The following SDHB variants were observed in gnomAD, a reference collection of about 807,000 sequenced individuals.
SDHB encodes succinate dehydrogenase [ubiquinone] iron-sulfur subunit, mitochondrial.
A neutral mutation model predicts 39.7 loss-of-function variants in SDHB; 21 were observed. That is an observed-to-expected ratio of 0.53 (90% CI 0.37 to 0.76). SDHB has a LOEUF of 0.76. Among genes scored for constraint, SDHB ranks in the 30% least tolerant of loss-of-function variants. The probability of loss-of-function intolerance (pLI) is 0.00; values close to 1 mark genes in which losing one functional copy is unlikely to be tolerated. For synonymous variants in SDHB, 118 were observed against 117.0 expected (o/e 1.01, Z -0.06); for missense variants, 343 against 350.9 (o/e 0.98, Z 0.18).
chr1:17,053,547 C>T (rs1162052933), intron 1 of SDHB, among the ~76,000 whole-genome samples: 1 of 152,156 alleles, frequency 6.6e-6, no homozygotes, highest in Non-Finnish European at 1.5e-5. Context: ...CAATTCCCAT[C>T]CTTCACACCC....
At chr1:17,049,175 G>C (rs1391307605) in intron 1 of SDHB, among the ~76,000 whole-genome samples, 2 of 152,074 alleles carry the variant, frequency 1.3e-5, no homozygotes, top group African/African-American at 2.4e-5. Context: ...AATTTTTGTA[G>C]AGACAGGGTC....
intron 2 of SDHB, 112 bp downstream of exon 2, chr1:17,044,649 C>T: frequency 7.7e-7 from 1 of 1,302,350 alleles, no homozygotes; most frequent in Non-Finnish European, 1.1e-6. Flanking sequence ...GTTTTAAAAA[C>T]AGAGCCATCG....
chr1:17,036,353 C>T (rs2078050102), intron 2 of SDHB, among the ~76,000 whole-genome samples: 1 of 152,062 alleles, frequency 6.6e-6, no homozygotes. Context: ...GTCGCCCAGG[C>T]TGGATGGAGT....
At chr1:17,024,715 C>T (rs1382229378) in intron 5 of SDHB, among the ~76,000 whole-genome samples, 3 of 152,210 alleles carry the variant, frequency 2.0e-5, no homozygotes, top group Admixed American at 6.5e-5. Flanking sequence ...GATGTGGCCC[C>T]GGCAGCTGGC....
intron 1 of SDHB, chr1:17,052,442 C>T (rs1023198505): frequency 6.6e-6 from 1 of 152,178 alleles, no homozygotes; most frequent in Admixed American, 6.5e-5. Flanking sequence ...CTGTTGCCCT[C>T]AGGAGGCCCT....
At chr1:17,041,944 C>CA (rs201020145) in intron 2 of SDHB, among the ~76,000 whole-genome samples, 21 of 151,056 alleles carry the variant, frequency 1.4e-4, no homozygotes, top group African/African-American at 5.1e-4. Context: ...TTTTTTGAGA[C>CA]AGAGTCTCAC....
intron 2 of SDHB, among the ~76,000 whole-genome samples, chr1:17,041,963 C>T (rs962483128): frequency 9.2e-5 from 14 of 151,890 alleles, no homozygotes; most frequent in African/African-American, 3.1e-4. Flanking sequence ...ACTCTGTTGC[C>T]CAGGCTGGAG....
chr1:17,047,831 T>G (rs77955136), intron 1 of SDHB, among the ~76,000 whole-genome samples: 19 of 152,118 alleles, frequency 1.2e-4, no homozygotes, highest in Admixed American at 7.2e-4. Context: ...TGCGCCACCA[T>G]GCCCAGTTAG....
chr1:17,048,922 G>C (rs1227182536), intron 1 of SDHB, among the ~76,000 whole-genome samples: 1 of 152,080 alleles, frequency 6.6e-6, no homozygotes. Context: ...TGTTGGCCAG[G>C]CTGGTCTTGA....
chr1:17,037,695 C>G (rs987432470), intron 2 of SDHB, among the ~76,000 whole-genome samples: 1 of 152,168 alleles, frequency 6.6e-6, no homozygotes, highest in Non-Finnish European at 1.5e-5. Flanking sequence ...GGACTCAAGT[C>G]ATCTGCCTGC....
chr1:17,030,568 T>C (rs973176351), intron 3 of SDHB, among the ~76,000 whole-genome samples: 1 of 152,208 alleles, frequency 6.6e-6, no homozygotes, highest in African/African-American at 2.4e-5. Context: ...CCTGGGTGTT[T>C]TGGAATTTAA....
intron 3 of SDHB, among the ~76,000 whole-genome samples, chr1:17,032,027 C>T (rs780858876): frequency 6.6e-6 from 1 of 152,142 alleles, no homozygotes; most frequent in Non-Finnish European, 1.5e-5. Context: ...TCTGGCTCCA[C>T]GGACATCAGG....
chr1:17,030,569 T>C (rs2078016914), intron 3 of SDHB, among the ~76,000 whole-genome samples: 1 of 152,214 alleles, frequency 6.6e-6, no homozygotes, highest in African/African-American at 2.4e-5. Flanking sequence ...CTGGGTGTTT[T>C]GGAATTTAAA....
intron 6 of SDHB, 65 bp from the exon 7 acceptor site, chr1:17,022,795 C>G (rs2077969586): frequency 1.3e-6 from 2 of 1,572,604 alleles, no homozygotes; most frequent in Non-Finnish European, 1.7e-6. Flanking sequence ...CCTGGCTCAA[C>G]TCAAAGCTCT....
At chr1:17,029,547 T>C (rs1037571099) in intron 3 of SDHB, among the ~76,000 whole-genome samples, 3 of 152,114 alleles carry the variant, frequency 2.0e-5, no homozygotes, top group African/African-American at 7.2e-5. Context: ...TTCTCCTGCC[T>C]CAGCCTCCTG....
chr1:17,025,043 C>G (rs1350316187), intron 5 of SDHB, among the ~76,000 whole-genome samples: 1 of 152,100 alleles, frequency 6.6e-6, no homozygotes, highest in Non-Finnish European at 1.5e-5. Context: ...TTAACCCACT[C>G]CTAGAAAAAT....
At chr1:17,020,073 A>G (rs1326545518) in intron 7 of SDHB, among the ~76,000 whole-genome samples, 1 of 152,252 alleles carries the variant, frequency 6.6e-6, no homozygotes, top group Non-Finnish European at 1.5e-5. Flanking sequence ...TGTGTGCAGC[A>G]TAAAACACCT....
chr1:17,044,940 T>A, intron 1 of SDHB, 52 bp from the exon 2 acceptor site: 1 of 1,537,316 alleles, frequency 6.5e-7, no homozygotes, highest in South Asian at 1.1e-5. Flanking sequence ...AAATACAAGA[T>A]AATTCCATTT....
At position 17,018,966 on chromosome 1, in the gene SDHB, AAAGAG is replaced by A. The variant is rs2077946438; in HGVS notation, c.766-13_766-9del. 1 of 1,598,494 alleles carries A rather than the reference AAAGAG, an allele frequency of 6.3e-7. No homozygotes were observed. The highest frequency in any genetic ancestry group is 1.1e-5 in the South Asian group (1 of 90,774). On this transcript the variant is annotated splice_polypyrimidine_tract_variant and intron_variant, in intron 7 of 7. Coordinates refer to ENST00000375499, the MANE Select transcript of SDHB (RefSeq NM_003000.3). ...TTTCCCTGGATTCAGACCCTTGAAA[AAAGAG>A]AAAAGAATCAATAACAAATGATAAC...
Sources: gnomAD v4.1 joint callset for allele counts (sites outside exome capture counted in the v4.1 genomes callset) on GRCh38, gnomAD v4.1.1 for gene constraint, MANE v1.5 for transcripts, NCBI Gene and HGNC (gene_info 2026-07-23, HGNC 2026-07-21) for gene names.